The following NUSAP1 variants were observed in gnomAD, a reference collection of about 807,000 sequenced individuals.
NUSAP1 encodes nucleolar and spindle-associated protein 1.
NUSAP1 carries 32 observed loss-of-function variants against 52.8 expected under a neutral mutation model. That is an observed-to-expected ratio of 0.61 (90% CI 0.46 to 0.81). The LOEUF is 0.81. NUSAP1 is among the 40% of genes least tolerant of loss of function. The probability of loss-of-function intolerance (pLI) is 0.00; values close to 1 mark genes in which losing one functional copy is unlikely to be tolerated. For synonymous variants in NUSAP1, 195 were observed against 183.1 expected (o/e 1.06, Z -0.52); for missense variants, 499 against 522.3 (o/e 0.96, Z 0.43).
At chr15:41,350,683 A>G (rs1410168335) in intron 3 of NUSAP1, among the ~76,000 whole-genome samples, 1 of 152,168 alleles carries the variant, frequency 6.6e-6, no homozygotes, top group East Asian at 1.9e-4. Context: ...ACTTATTATT[A>G]TTTAAATTTC....
chr15:41,356,204 G>T, intron 5 of NUSAP1, 64 bp downstream of exon 5: 2 of 902,402 alleles, frequency 2.2e-6, no homozygotes, highest in Non-Finnish European at 3.5e-6. Flanking sequence ...ATGTTGGACT[G>T]TAACAGCTGA....
chr15:41,367,221 CAGGGGTG>C (rs2049454518), intron 7 of NUSAP1, among the ~76,000 whole-genome samples: 1 of 152,180 alleles, frequency 6.6e-6, no homozygotes, highest in African/African-American at 2.4e-5. Flanking sequence ...GGCTTCTCTG[CAGGGGTG>C]AGGCATCTCA....
intron 2 of NUSAP1, among the ~76,000 whole-genome samples, chr15:41,347,047 C>G (rs1308269082): frequency 1.3e-5 from 2 of 151,964 alleles, no homozygotes; most frequent in Non-Finnish European, 2.9e-5. Flanking sequence ...TGGCATGTAC[C>G]TGTAATCCCA....
At chr15:41,346,503 C>T (rs1192009114) in intron 2 of NUSAP1, among the ~76,000 whole-genome samples, 5 of 151,648 alleles carry the variant, frequency 3.3e-5, no homozygotes, top group Non-Finnish European at 5.9e-5. Flanking sequence ...AGACTGGGGT[C>T]TCATTATGTT....
At chr15:41,380,021 C>A in intron 10 of NUSAP1, 72 bp from the exon 11 acceptor site, 1 of 1,111,156 alleles carries the variant, frequency 9.0e-7, no homozygotes, top group Non-Finnish European at 1.3e-6. Flanking sequence ...GGGTGTTAGT[C>A]CAACAATAGT....
chr15:41,345,551 C>G (rs2048535056), intron 2 of NUSAP1: 1 of 393,688 alleles, frequency 2.5e-6, no homozygotes, highest in Non-Finnish European at 4.9e-6. Context: ...CCTCCACCTC[C>G]TGAGTTAAAG....
intron 1 of NUSAP1, among the ~76,000 whole-genome samples, chr15:41,333,888 G>A (rs1595511924): frequency 6.6e-6 from 1 of 152,124 alleles, no homozygotes; most frequent in Non-Finnish European, 1.5e-5. Flanking sequence ...CTCCAACTTC[G>A]GTGACAGAGA....
intron 8 of NUSAP1, 51 bp downstream of exon 8, chr15:41,371,735 A>G: frequency 5.8e-6 from 9 of 1,543,912 alleles, no homozygotes; most frequent in Non-Finnish European, 7.8e-6. Flanking sequence ...AAGCCATGTA[A>G]CTTCCCAAAA....
chr15:41,334,443 C>T (rs763068569), intron 1 of NUSAP1, among the ~76,000 whole-genome samples: 1 of 152,054 alleles, frequency 6.6e-6, no homozygotes, highest in Non-Finnish European at 1.5e-5. Flanking sequence ...ATAATCAGGG[C>T]CTAAGTGCCT....
chr15:41,338,757 G>C (rs1353784181), intron 1 of NUSAP1, among the ~76,000 whole-genome samples: 5 of 151,888 alleles, frequency 3.3e-5, no homozygotes, highest in Non-Finnish European at 5.9e-5. Flanking sequence ...GGAGTTCAAG[G>C]CCGGCCTGGC....
chr15:41,333,234 T>C (rs1465546587), intron 1 of NUSAP1, among the ~76,000 whole-genome samples, 184 bp downstream of exon 1: 1 of 152,166 alleles, frequency 6.6e-6, no homozygotes, highest in Non-Finnish European at 1.5e-5. Flanking sequence ...GGAACTGTAG[T>C]TTTCACCTCA....
intron 6 of NUSAP1, among the ~76,000 whole-genome samples, chr15:41,362,296 T>C (rs1305440575): frequency 1.3e-5 from 2 of 151,864 alleles, no homozygotes; most frequent in African/African-American, 4.8e-5. Context: ...CTTATATAGT[T>C]ATAAATCTCT....
chr15:41,366,581 C>T (rs552801217), intron 7 of NUSAP1, among the ~76,000 whole-genome samples: 72 of 152,274 alleles, frequency 4.7e-4, no homozygotes, highest in South Asian at 4.1e-4. Context: ...CGCGCCTGGC[C>T]GCACCCAGGT....
rs540498913 is a variant in NUSAP1 at position 41,369,225 on chromosome 15, T to C, written c.849-2302T>C. ...CTCACCCAGCCTGCCCATGTTTTAA[T>C]CAGATTTTTTTTTTCCTGTTCCTCC... On this transcript the variant is annotated intron_variant, in intron 7 of 10. Transcript: ENST00000559596. 5.3e-5 allele frequency among the ~76,000 whole-genome samples: 8 copies of C among 152,264 alleles called. No homozygotes were observed. The South Asian group carries it at 8.3e-4, about 16-fold the overall frequency.
chr15:41,337,931 C>CTTTTTTTTTTT (rs757341496), intron 1 of NUSAP1, among the ~76,000 whole-genome samples: 35 of 110,902 alleles, frequency 3.2e-4, no homozygotes, highest in Non-Finnish European at 4.5e-4. Context: ...TTTCTTTTTT[C>CTTTTTTTTTTT]TTTTTTTTTT....
intron 1 of NUSAP1, among the ~76,000 whole-genome samples, chr15:41,340,361 AT>A (rs1480736198): frequency 6.6e-6 from 1 of 151,590 alleles, no homozygotes; most frequent in Non-Finnish European, 1.5e-5. Context: ...GCCCAGTTTT[AT>A]TTTTGCATCA....
chr15:41,371,747 G>T, intron 8 of NUSAP1, 63 bp downstream of exon 8: 2 of 1,511,592 alleles, frequency 1.3e-6, no homozygotes, highest in Non-Finnish European at 1.8e-6. Context: ...TTCCCAAAAT[G>T]ATTAGGTATA....
chr15:41,334,141 C>A (rs2048029280), intron 1 of NUSAP1, among the ~76,000 whole-genome samples: 1 of 151,974 alleles, frequency 6.6e-6, no homozygotes, highest in Non-Finnish European at 1.5e-5. Context: ...TTCTTTGAGA[C>A]GGAGTCTTGC....
In NUSAP1 at chr15:41,377,989, C is replaced by CAA. The variant is rs991678349; in HGVS notation, c.1232+698_1232+699dup. On this transcript the variant is annotated intron_variant, in intron 10 of 10. Transcript: ENST00000559596. ...TGGGCGACAGAGTGAGACTCCGTCT[C>CAA]AAAAAAAAAAAAAAGTGGTATCGTG... Among the ~76,000 whole-genome samples, 109 of 128,452 alleles carry CAA rather than the reference C, an allele frequency of 8.5e-4. No homozygotes were observed. In the Middle Eastern group the frequency reaches 0.012, roughly 14 times the overall value. The allele number at this position is 128,452 out of a possible 152,430, so 84.3% of individuals were successfully genotyped here.
Sources: allele counts gnomAD v4.1 joint callset (sites outside exome capture counted in the v4.1 genomes callset), GRCh38; gene constraint gnomAD v4.1.1; transcripts MANE v1.5; gene names NCBI Gene and HGNC (gene_info 2026-07-23, HGNC 2026-07-21).